CLIP4: variants seen among roughly 807,000 people sequenced by gnomAD.
CLIP4 encodes the protein CAP-Gly domain-containing linker protein 4.
A neutral mutation model predicts 73.1 loss-of-function variants in CLIP4; 47 were observed. That is an observed-to-expected ratio of 0.64 (90% CI 0.51 to 0.82). The LOEUF (loss-of-function observed/expected upper bound fraction) is 0.82, where lower values mean the gene tolerates loss of function less well. CLIP4 is among the 40% of genes least tolerant of loss of function. The pLI, the probability that CLIP4 is intolerant of heterozygous loss-of-function variation, is 0.00. For synonymous variants in CLIP4, 306 were observed against 295.4 expected (o/e 1.04, Z -0.37); for missense variants, 874 against 852.9 (o/e 1.02, Z -0.31).
intron 5 of CLIP4, among the ~76,000 whole-genome samples, chr2:29,134,422 C>T (rs1222051822): frequency 6.6e-6 from 1 of 152,024 alleles, no homozygotes; most frequent in Non-Finnish European, 1.5e-5. Context: ...TTAAAGTGTA[C>T]AATATTTTCC....
intron 2 of CLIP4, among the ~76,000 whole-genome samples, chr2:29,125,248 T>C (rs1211622847): frequency 6.6e-6 from 1 of 152,212 alleles, no homozygotes; most frequent in Non-Finnish European, 1.5e-5. Context: ...ACTGCTGTTC[T>C]ACTCAATGCT....
intron 11 of CLIP4, 29 bp from the exon 12 acceptor site, chr2:29,160,303 TG>T (rs761009896): frequency 2.5e-6 from 4 of 1,613,890 alleles, no homozygotes; most frequent in Non-Finnish European, 3.4e-6. Context: ...TTTCCTGCCC[TG>T]CCCCTGTATC....
At chr2:29,163,589 A>G (rs1451421078) in intron 12 of CLIP4, among the ~76,000 whole-genome samples, 1 of 152,106 alleles carries the variant, frequency 6.6e-6, no homozygotes, top group Non-Finnish European at 1.5e-5. Context: ...GTGTTTGTGC[A>G]TTTTATTTTC....
chr2:29,167,730 C>T (rs961199663), intron 14 of CLIP4, 190 bp downstream of exon 14: 4 of 437,114 alleles, frequency 9.2e-6, no homozygotes, highest in African/African-American at 6.1e-5. Flanking sequence ...GTAGAAACCC[C>T]TGAGTACCCC....
chr2:29,181,142 GTT>G (rs1396011224), intron 15 of CLIP4, among the ~76,000 whole-genome samples: 2 of 152,062 alleles, frequency 1.3e-5, no homozygotes, highest in African/African-American at 4.8e-5. Context: ...TATTTTGTAT[GTT>G]ACATATAGTA....
At chr2:29,181,244 A>G (rs1227513389) in intron 15 of CLIP4, among the ~76,000 whole-genome samples, 2 of 152,210 alleles carry the variant, frequency 1.3e-5, no homozygotes, top group African/African-American at 2.4e-5. Context: ...GGATCATCAT[A>G]AAGATCTTCT....
chr2:29,157,127 A>G, intron 10 of CLIP4, 77 bp from the exon 11 acceptor site: 3 of 1,273,294 alleles, frequency 2.4e-6, no homozygotes, highest in East Asian at 2.3e-5. Flanking sequence ...AGAATTTCAG[A>G]AAGATTTGCC....
chr2:29,107,372 T>TTTTTG (rs1572854946), intron 1 of CLIP4, among the ~76,000 whole-genome samples: 2 of 124,608 alleles, frequency 1.6e-5, no homozygotes, highest in African/African-American at 3.1e-5. Flanking sequence ...TTTTTTTTTT[T>TTTTTG]TTTTTTTTTT....
At chr2:29,158,954 T>C (rs975121360) in intron 11 of CLIP4, among the ~76,000 whole-genome samples, 3 of 152,128 alleles carry the variant, frequency 2.0e-5, no homozygotes, top group African/African-American at 4.8e-5. Context: ...ACTGTTGAAC[T>C]TGCCATCTTT....
intron 14 of CLIP4, 78 bp downstream of exon 14, chr2:29,167,618 T>C (rs1028947616): frequency 9.1e-7 from 1 of 1,094,008 alleles, no homozygotes; most frequent in Admixed American, 2.3e-5. Flanking sequence ...TATGAGGTAT[T>C]GTATACAAAA....
chr2:29,099,251 G>A (rs919680567), intron 1 of CLIP4, among the ~76,000 whole-genome samples: 1 of 152,144 alleles, frequency 6.6e-6, no homozygotes. Flanking sequence ...TGCCTTTGGT[G>A]TTGTATCTAA....
At chr2:29,103,917 A>T (rs1038741556) in intron 1 of CLIP4, among the ~76,000 whole-genome samples, 1 of 151,702 alleles carries the variant, frequency 6.6e-6, no homozygotes, top group African/African-American at 2.4e-5. Context: ...GGGTTTCACT[A>T]TGTTGGCCAG....
At chr2:29,141,320 C>G (rs890507468) in intron 6 of CLIP4, among the ~76,000 whole-genome samples, 2 of 152,120 alleles carry the variant, frequency 1.3e-5, no homozygotes, top group Admixed American at 6.5e-5. Flanking sequence ...GTGGAGTATT[C>G]TTTAGATGCC....
intron 6 of CLIP4, among the ~76,000 whole-genome samples, chr2:29,135,906 G>A (rs80155332): frequency 0.015 from 2,304 of 152,138 alleles, 47 homozygotes; most frequent in East Asian, 0.047. Flanking sequence ...TCCTTTAAGT[G>A]TCATAATCTT....
intron 1 of CLIP4, among the ~76,000 whole-genome samples, chr2:29,098,269 G>GT (rs1383730314): frequency 2.0e-5 from 3 of 152,180 alleles, no homozygotes; most frequent in Non-Finnish European, 4.4e-5. Flanking sequence ...AAAGCCTGTG[G>GT]TTTACATTAG....
At chr2:29,137,120 T>A (rs974041161) in intron 6 of CLIP4, among the ~76,000 whole-genome samples, 1 of 152,044 alleles carries the variant, frequency 6.6e-6, no homozygotes, top group Non-Finnish European at 1.5e-5. Flanking sequence ...GGGCTTCTGT[T>A]GACGCCGTCA....
At chr2:29,147,134 C>T (rs1453756635) in intron 8 of CLIP4, among the ~76,000 whole-genome samples, 1 of 152,034 alleles carries the variant, frequency 6.6e-6, no homozygotes, top group Non-Finnish European at 1.5e-5. Flanking sequence ...TGAATAGCTC[C>T]ATTTCCTTTA....
chr2:29,120,422 A>T (rs1160668674), intron 1 of CLIP4, among the ~76,000 whole-genome samples: 2 of 152,170 alleles, frequency 1.3e-5, no homozygotes, highest in African/African-American at 4.8e-5. Flanking sequence ...GGTTAAGTAG[A>T]ACAGAGCACA....
At chr2:29,149,418 T>G (rs1302092761) in intron 8 of CLIP4, among the ~76,000 whole-genome samples, 1 of 151,460 alleles carries the variant, frequency 6.6e-6, no homozygotes, top group Admixed American at 6.6e-5. Flanking sequence ...TTCTTTTTTT[T>G]TTTTTTCTTT....
Sources: gnomAD v4.1 joint callset for allele counts (sites outside exome capture counted in the v4.1 genomes callset) on GRCh38, gnomAD v4.1.1 for gene constraint, MANE v1.5 for transcripts, NCBI Gene and HGNC (gene_info 2026-07-23, HGNC 2026-07-21) for gene names.